LRRC43: variants seen among roughly 807,000 people sequenced by gnomAD.
The protein encoded by LRRC43 is leucine rich repeat containing 43.
Under a neutral mutation model 64.3 loss-of-function variants are expected in LRRC43, and 62 were observed. The observed-to-expected ratio is 0.96, with a 90% CI of 0.79 to 1.19. LRRC43 has a LOEUF of 1.19. Among genes scored for constraint, LRRC43 ranks in the 50% most tolerant of loss-of-function variants. LRRC43 has a pLI of 0.00. For missense variants in LRRC43, 868 were observed against 845.0 expected (o/e 1.03, Z -0.34); for synonymous variants, 422 against 382.3 (o/e 1.10, Z -1.21).
chr12:122,190,449 G>T, intron 5 of LRRC43, 81 bp downstream of exon 5: 1 of 1,133,952 alleles, frequency 8.8e-7, no homozygotes, highest in Non-Finnish European at 1.3e-6. Flanking sequence ...TCCTGGGTCC[G>T]TGTACCCGTC....
chr12:122,184,560 G>A lies in LRRC43; in HGVS notation c.192G>A (p.Arg64=). Reference sequence around the variant, plus strand: ...TTCCTCAAACTTGGCGAACTTGGAGGGAGCTTGTCCCCAGAGAGGAGGATG... The same window carrying A: ...TTCCTCAAACTTGGCGAACTTGGAGAGAGCTTGTCCCCAGAGAGGAGGATG... ...RFLPQTWRTW[R]ELVPREEDVV... The change falls in exon 2 of 12, where the codon AGG becomes AGA. Residue 64 remains arginine, a synonymous_variant. Transcript: ENST00000339777. This position sits in a 1 kb window ranked among gnomAD's most constrained non-coding sequence, Gnocchi z 4.0. The A allele has an allele frequency of 6.2e-7, 1 of 1,613,846 alleles. No individual in the cohort carries two copies. Among genetic ancestry groups the A allele is most frequent in the Middle Eastern group, 1.6e-4 (1 of 6,062 alleles).
upstream of LRRC43, among the ~76,000 whole-genome samples, chr12:122,180,388 G>A (rs183286346): frequency 4.5e-4 from 68 of 152,082 alleles, no homozygotes; most frequent in African/African-American, 1.6e-3. Flanking sequence ...GCATGGTGGC[G>A]GGAGCCTGCA....
chr12:122,183,870 A>G (rs1953610081), intron 1 of LRRC43, among the ~76,000 whole-genome samples: 1 of 151,688 alleles, frequency 6.6e-6, no homozygotes, highest in African/African-American at 2.4e-5. Flanking sequence ...CCTCCCAAGT[A>G]GCAGGGATTA....
chr12:122,203,026 G>A (rs1260111622), intron 11 of LRRC43, among the ~76,000 whole-genome samples: 1 of 152,178 alleles, frequency 6.6e-6, no homozygotes, highest in Non-Finnish European at 1.5e-5. Context: ...GGGAGGCGGA[G>A]GTTGCAGTGA....
upstream of LRRC43, chr12:122,182,933 G>A (rs180858386): frequency 9.1e-5 from 62 of 679,616 alleles, no homozygotes; most frequent in East Asian, 1.9e-3. Flanking sequence ...GGTCAGCTAT[G>A]GCGCTTACTG....
intron 1 of LRRC43, chr12:122,173,951 C>T (rs1313486818): frequency 4.3e-6 from 7 of 1,614,050 alleles, no homozygotes; most frequent in African/African-American, 1.3e-5. Context: ...GCCAGCCAGC[C>T]TCCCAGGCAG....
chr12:122,189,027 T>A (rs779281779), intron 4 of LRRC43, among the ~76,000 whole-genome samples: 4 of 152,088 alleles, frequency 2.6e-5, no homozygotes, highest in Non-Finnish European at 5.9e-5. Context: ...CTATTGAAGG[T>A]TCAGGCTCAT....
rs377347927 is a variant in LRRC43 at position 122,191,417 on chromosome 12, C to T, written c.939C>T (p.Ile313=). The change falls in exon 6 of 12, where the codon ATC becomes ATT. Residue 313 remains isoleucine (I), a synonymous_variant. Coordinates refer to ENST00000339777, the MANE Select transcript of LRRC43 (RefSeq NM_001098519.2). ...AGGAGGCGCAGTTTGTGGTGACCAT[C>T]GGAAACATCAGAGGAGTCCTGGACA... ...LAQEAQFVVT[I]GNIRGVLDTS... 209 of 1,613,582 alleles carry T rather than the reference C, an allele frequency of 1.3e-4. No individual in the cohort carries two copies. Among genetic ancestry groups the T allele is most frequent in the Middle Eastern group, 5.0e-4 (3 of 6,022 alleles).
At chr12:122,189,930 C>T in intron 4 of LRRC43, 200 bp from the exon 5 acceptor site, 2 of 635,194 alleles carry the variant, frequency 3.1e-6, no homozygotes, top group East Asian at 5.3e-5. Flanking sequence ...GTGAGGGTGG[C>T]AGTGCTACGG....
Position 122,184,117 on chromosome 12 carries a change from C to T in LRRC43, c.151-402C>T, listed in dbSNP as rs185725681. ...TAGATTTTTTTTTTTTTTTTTGAGA[C>T]GGAGTCTCGCTCTGTCACCCAGCCT... is the stretch of plus-strand genomic sequence containing the variant. On this transcript the variant is annotated intron_variant, in intron 1 of 11. Transcript: ENST00000339777. The surrounding 1 kb of genome is among the most constrained non-coding windows in gnomAD (Gnocchi z 4.0). 1.6e-3 allele frequency among the ~76,000 whole-genome samples: 227 copies of T among 142,636 alleles called. No individual in the cohort carries two copies. Among genetic ancestry groups the T allele is most frequent in the Non-Finnish European group, 2.3e-3 (151 of 66,190 alleles). 93.6% of individuals were successfully genotyped at this position (142,636 alleles called of 152,430 possible). A position where few individuals can be genotyped will look rare whatever the true frequency, so the allele number is the denominator to read the frequency against.
intron 1 of LRRC43, chr12:122,172,780 A>G (rs1253981945): frequency 2.0e-6 from 3 of 1,487,810 alleles, no homozygotes; most frequent in East Asian, 2.4e-5. Flanking sequence ...TGGGTTTGCA[A>G]TGACAGCTGC....
At chr12:122,185,984 T>C (rs1953638584) in intron 2 of LRRC43, among the ~76,000 whole-genome samples, 1 of 151,496 alleles carries the variant, frequency 6.6e-6, no homozygotes, top group Admixed American at 6.6e-5. Context: ...GCACCACCTA[T>C]GGTCAGAGGA....
At chr12:122,190,836 C>T (rs1268368540) in intron 5 of LRRC43, among the ~76,000 whole-genome samples, 1 of 149,734 alleles carries the variant, frequency 6.7e-6, no homozygotes. Flanking sequence ...GTACTCTAGC[C>T]TAGGTGACAG....
intron 4 of LRRC43, among the ~76,000 whole-genome samples, chr12:122,188,731 G>A (rs544404281): frequency 3.9e-5 from 6 of 152,314 alleles, no homozygotes; most frequent in Admixed American, 6.5e-5. Context: ...GTGAGCCACC[G>A]CACTTGGCCT....
intron 1 of LRRC43, chr12:122,173,870 A>C: frequency 6.2e-7 from 1 of 1,613,994 alleles, no homozygotes; most frequent in Admixed American, 1.7e-5. Flanking sequence ...TTCGAGAGGG[A>C]CTGTAATTCC....
chr12:122,172,588 T>C lies in LRRC43; in HGVS notation c.-406+4806T>C, dbSNP rs145372838. On this transcript the variant is annotated intron_variant, in intron 1 of 5. Coordinates refer to the LRRC43 transcript ENST00000537729. ...ATGAGTTTGTCGAGGTGCTCTATGA[T>C]CTCATCAATAACAGATTTGTTGTCT... 4.3e-6 allele frequency: 7 copies of C among 1,614,066 alleles called. No individual in the cohort carries two copies. The highest frequency in any genetic ancestry group is 5.9e-6 in the Non-Finnish European group (7 of 1,180,044).
At position 122,174,182 on chromosome 12, in the gene LRRC43, G is replaced by A. The variant is rs763357357; in HGVS notation, c.-406+6400G>A. The A allele has an allele frequency of 4.3e-6, 7 of 1,614,146 alleles. No homozygotes were observed. The Admixed American group carries it at 1.0e-4, about 23-fold the overall frequency. The stretch of plus-strand genomic sequence containing the variant: ...CTGAGTGAGAGGCCATGGCGAGAGA[G>A]AGCAAGGCCAGCTTCAGTGGGGGCT... On this transcript the variant is annotated intron_variant, in intron 1 of 5. Coordinates refer to the LRRC43 transcript ENST00000537729.
chr12:122,190,107 A>AG, intron 4 of LRRC43, 23 bp from the exon 5 acceptor site: 1 of 1,600,446 alleles, frequency 6.2e-7, no homozygotes, highest in Non-Finnish European at 8.6e-7. Context: ...CTTGACCCCC[A>AG]GACGGTCCTG....
intron 3 of LRRC43, chr12:122,187,431 T>G: frequency 2.6e-6 from 1 of 383,112 alleles, no homozygotes; most frequent in Non-Finnish European, 4.8e-6. Context: ...AGGTGCCAGA[T>G]GTTATGCAGC....
Sources: gnomAD v4.1 joint callset for allele counts (sites outside exome capture counted in the v4.1 genomes callset) on GRCh38, gnomAD v4.1.1 for gene constraint, Gnocchi (gnomAD v3.1) non-coding constraint, MANE v1.5 for transcripts, NCBI Gene and HGNC (gene_info 2026-07-23, HGNC 2026-07-21) for gene names.